PPEF1: variants seen among roughly 807,000 people sequenced by gnomAD.
PPEF1 encodes the protein protein phosphatase with EF-hand domain 1.
In PPEF1, 12 loss-of-function variants were observed where a neutral mutation model predicts 53.3. The ratio of observed to expected loss-of-function variants is 0.23; its 90% CI spans 0.14 to 0.36. The LOEUF is 0.36. PPEF1 is among the 10% of genes least tolerant of loss of function. The probability of loss-of-function intolerance (pLI) is 1.00; values close to 1 mark genes in which losing one functional copy is unlikely to be tolerated. For missense variants in PPEF1, 334 were observed against 490.4 expected, an observed-to-expected ratio of 0.68 and a Z score of 3.01; for synonymous variants, 165 against 176.7, an observed-to-expected ratio of 0.93 and a Z score of 0.52.
chrX:18,680,638 T>C (rs1004278804), upstream of PPEF1, among the ~76,000 whole-genome samples: 1 of 109,761 alleles, frequency 9.1e-6, no homozygotes, highest in Non-Finnish European at 1.9e-5. Context: ...TTATTATACT[T>C]TAAGTTTCAG....
In PPEF1 at chrX:18,814,996, C is replaced by T. The variant is rs185666461; in HGVS notation, c.1395-3043C>T. On this transcript the variant is annotated intron_variant, in intron 12 of 15. Coordinates refer to ENST00000470157, the MANE Select transcript of PPEF1 (RefSeq NM_001377996.1). ...TGAGGTCTTACATTTATTAATAAGT[C>T]TAATCCATCTTGAGTTAATTTTTGC... Among the ~76,000 whole-genome samples the T allele has an allele frequency of 2.7e-5, 3 of 111,655 alleles. No homozygotes were observed. The East Asian group carries it at 8.4e-4, about 31-fold the overall frequency.
intron 2 of PPEF1, among the ~76,000 whole-genome samples, chrX:18,685,519 A>G (rs1376095953): frequency 1.8e-5 from 2 of 109,974 alleles, no homozygotes; most frequent in Non-Finnish European, 3.8e-5. Context: ...CCCCATCTCT[A>G]CTAAAAATAC....
intron 3 of PPEF1, among the ~76,000 whole-genome samples, chrX:18,741,766 C>G (rs1269041095): frequency 1.1e-5 from 1 of 94,239 alleles, no homozygotes; most frequent in Non-Finnish European, 2.1e-5. Context: ...AGTCTGGCTG[C>G]TGCTTCTTTT....
intron 5 of PPEF1, among the ~76,000 whole-genome samples, chrX:18,758,494 A>G (rs2045594702): frequency 8.9e-6 from 1 of 112,007 alleles, no homozygotes; most frequent in African/African-American, 3.2e-5. Context: ...CAATCTAATT[A>G]AACTATTTGC....
At chrX:18,777,289 G>A (rs190667661) in intron 6 of PPEF1, among the ~76,000 whole-genome samples, 1 of 111,977 alleles carries the variant, frequency 8.9e-6, no homozygotes, top group Admixed American at 9.5e-5. Flanking sequence ...ATTATATGCT[G>A]TAACCTGTAT....
chrX:18,789,632 AATCTACT>A (rs2046289676), intron 10 of PPEF1, among the ~76,000 whole-genome samples: 1 of 111,940 alleles, frequency 8.9e-6, no homozygotes, highest in African/African-American at 3.2e-5. Flanking sequence ...GGCAACCATC[AATCTACT>A]ATCTGTCTTT....
chrX:18,805,152 A>G (rs1354620709), intron 11 of PPEF1, among the ~76,000 whole-genome samples: 2 of 108,664 alleles, frequency 1.8e-5, no homozygotes, highest in African/African-American at 3.3e-5. Flanking sequence ...ACGTCCAGCT[A>G]ATTTTTGAAC....
At chrX:18,786,191 G>T (rs1246920836) in intron 9 of PPEF1, among the ~76,000 whole-genome samples, 1 of 111,522 alleles carries the variant, frequency 9.0e-6, no homozygotes, top group Non-Finnish European at 1.9e-5. Flanking sequence ...CTTTCCTGAG[G>T]TTAGCCTGAG....
upstream of PPEF1, among the ~76,000 whole-genome samples, chrX:18,704,604 C>G (rs2147274139): frequency 9.0e-6 from 1 of 111,672 alleles, no homozygotes; most frequent in Non-Finnish European, 1.9e-5. Flanking sequence ...TTGATATGAC[C>G]TCTGGAAAAA....
At chrX:18,795,345 C>G (rs184940533) in intron 10 of PPEF1, among the ~76,000 whole-genome samples, 1 of 112,110 alleles carries the variant, frequency 8.9e-6, no homozygotes, top group African/African-American at 3.2e-5. Flanking sequence ...ATGGTTGTTT[C>G]ACTGGGGAGA....
chrX:18,726,965 C>T (rs2044723630), intron 1 of PPEF1, among the ~76,000 whole-genome samples: 1 of 112,287 alleles, frequency 8.9e-6, no homozygotes, highest in Non-Finnish European at 1.9e-5. Context: ...CTTGGCCAAG[C>T]TTGTTTATTT....
intron 12 of PPEF1, among the ~76,000 whole-genome samples, chrX:18,808,545 T>G (rs2046731710): frequency 1.7e-5 from 1 of 59,397 alleles, no homozygotes. Context: ...CTCATACGAC[T>G]CAACAGCAAA....
chrX:18,801,566 G>A (rs113602790), intron 10 of PPEF1, among the ~76,000 whole-genome samples: 1,588 of 112,039 alleles, frequency 0.014, 34 homozygotes, highest in African/African-American at 0.049. Flanking sequence ...AGGTCAACTG[G>A]TCCAAATGCC....
intron 3 of PPEF1, among the ~76,000 whole-genome samples, chrX:18,687,345 C>T (rs947400186): frequency 9.0e-6 from 1 of 111,088 alleles, no homozygotes; most frequent in East Asian, 2.8e-4. Context: ...GTGTGTTAAC[C>T]CATTCATTCG....
chrX:18,743,446 C>CTTTTTTTTTT (rs72264344), intron 3 of PPEF1, among the ~76,000 whole-genome samples: 2 of 59,327 alleles, frequency 3.4e-5, no homozygotes, highest in African/African-American at 7.2e-5. Flanking sequence ...TTCTCTTTTT[C>CTTTTTTTTTT]TTTTTTTTTT....
chrX:18,826,594 A>G (rs1471909108), intron 15 of PPEF1, among the ~76,000 whole-genome samples: 1 of 106,889 alleles, frequency 9.4e-6, no homozygotes, highest in African/African-American at 3.4e-5. Context: ...ACACCCTGAT[A>G]ATTTTTATTT....
chrX:18,675,661 G>A (rs1415433076), upstream of PPEF1, among the ~76,000 whole-genome samples: 1 of 112,367 alleles, frequency 8.9e-6, no homozygotes, highest in Non-Finnish European at 1.9e-5. Context: ...GGGTGGCAGC[G>A]GCCCTGGCCA....
At position 18,818,193 on chromosome X, in the gene PPEF1, A is replaced by G. The variant is rs1007003160; in HGVS notation, c.1501+48A>G. 2.1e-5 allele frequency: 18 copies of G among 839,620 alleles called. No individual in the cohort carries two copies. The African/African-American group carries it at 3.3e-4, about 15-fold the overall frequency. The allele number at this position is 839,620 out of a possible 1,213,427, so 69.2% of individuals were successfully genotyped here. A position where few individuals can be genotyped will look rare whatever the true frequency, so the allele number is the denominator to read the frequency against. On this transcript the variant is annotated intron_variant, in intron 13 of 15. Transcript: ENST00000470157. Reference sequence around the variant, plus strand: ...ACCATTTCTTAACACACCAAGTTACATACAGATCACTTTTCATTTTCCTTG... The same window carrying G: ...ACCATTTCTTAACACACCAAGTTACGTACAGATCACTTTTCATTTTCCTTG...
chrX:18,735,942 T>C (rs1184339557), intron 3 of PPEF1, among the ~76,000 whole-genome samples: 1 of 111,947 alleles, frequency 8.9e-6, no homozygotes, highest in Non-Finnish European at 1.9e-5. Flanking sequence ...CTGTTATTGG[T>C]GTATGGGAAT....
Sources: gnomAD v4.1 joint callset for allele counts (sites outside exome capture counted in the v4.1 genomes callset) on GRCh38, gnomAD v4.1.1 for gene constraint, MANE v1.5 for transcripts, NCBI Gene and HGNC (gene_info 2026-07-23, HGNC 2026-07-21) for gene names.